METTL22: variants seen among roughly 807,000 people sequenced by gnomAD.
The protein encoded by METTL22 is methyltransferase 22, Kin17 lysine, also known as methyltransferase-like protein 22.
A neutral mutation model predicts 48.4 loss-of-function variants in METTL22; 51 were observed. That is an observed-to-expected ratio of 1.05 (90% CI 0.84 to 1.33). The LOEUF (loss-of-function observed/expected upper bound fraction) is 1.33. METTL22 is among the 40% of genes most tolerant of loss of function. METTL22 has a pLI of 0.00. For synonymous variants in METTL22, 255 were observed against 214.1 expected (o/e 1.19, Z -1.67); for missense variants, 678 against 526.9 (o/e 1.29, Z -2.81).
downstream of METTL22, among the ~76,000 whole-genome samples, chr16:8,652,659 TTAAAAC>T (rs747815359): frequency 3.8e-5 from 5 of 132,648 alleles, no homozygotes; most frequent in Non-Finnish European, 7.8e-5. Flanking sequence ...CTCATGTTAT[TTAAAAC>T]AAATAATTAT....
Position 8,642,178 on chromosome 16 carries a change from A to T in METTL22, c.878A>T (p.Asp293Val). ...WSQEEISDLY[D>V]HTTILFAAEV... Reference sequence around the variant, plus strand: ...CAAGAGGAAATTTCTGACTTGTACGATCACACCACCATCCTGTTTGCAGCC... The same window carrying T: ...CAAGAGGAAATTTCTGACTTGTACGTTCACACCACCATCCTGTTTGCAGCC... Residue 293 changes from aspartate to valine, a missense_variant, in exon 8 of 11, where the codon GAT (aspartate) becomes GTT (valine). Asp to Val is a radical substitution (Grantham distance 152). Transcript: ENST00000381920. 1 of 1,613,736 alleles carries T rather than the reference A, an allele frequency of 6.2e-7. No individual in the cohort carries two copies. The highest frequency in any genetic ancestry group is 8.5e-7 in the Non-Finnish European group (1 of 1,179,678).
chr16:8,637,852 C>A (rs2056469114), intron 5 of METTL22, among the ~76,000 whole-genome samples: 1 of 152,066 alleles, frequency 6.6e-6, no homozygotes, highest in African/African-American at 2.4e-5. Context: ...AAACTGCTGA[C>A]CCTGGCCAGG....
intron 7 of METTL22, chr16:8,641,402 G>A (rs1409680829): frequency 1.5e-6 from 1 of 647,462 alleles, no homozygotes; most frequent in African/African-American, 1.8e-5. Flanking sequence ...TTCTTCTCCA[G>A]GTGTTGTGGT....
chr16:8,621,817 G>A (rs1354998117), intron 1 of METTL22, 42 bp downstream of exon 1: 1 of 152,320 alleles, frequency 6.6e-6, no homozygotes, highest in East Asian at 1.9e-4. Flanking sequence ...TAGGGTGCAG[G>A]GAACCTCCTG....
chr16:8,659,116 AG>A, the METTL22 span, among the ~76,000 whole-genome samples: 1 of 152,258 alleles, frequency 6.6e-6, no homozygotes, highest in Non-Finnish European at 1.5e-5. Context: ...AGATAACTTG[AG>A]GTCAGGAGTT....
At chr16:8,660,398 C>T in the METTL22 span, among the ~76,000 whole-genome samples, 4 of 152,046 alleles carry the variant, frequency 2.6e-5, no homozygotes, top group Non-Finnish European at 2.9e-5. Context: ...AGGCTGGTCT[C>T]GAACTCCTGA....
intron 3 of METTL22, chr16:8,632,174 G>C (rs1210414615): frequency 6.6e-6 from 1 of 152,326 alleles, no homozygotes; most frequent in East Asian, 1.9e-4. Context: ...AATTCATTCT[G>C]GCTTTTTCCA....
chr16:8,632,638 A>G (rs1056522628), intron 3 of METTL22, among the ~76,000 whole-genome samples: 4 of 152,208 alleles, frequency 2.6e-5, no homozygotes, highest in African/African-American at 9.7e-5. Context: ...AATGGTTCTC[A>G]GATGTCTGCC....
At position 8,647,522 on chromosome 16, in the gene METTL22, G is replaced by A. The variant is rs1479094764; in HGVS notation, c.*1379G>A. On this transcript the variant is annotated 3_prime_UTR_variant, in exon 11 of 11. Transcript: ENST00000381920. ...CTGGAGACATTTTCGGTGGTCACAA[G>A]TAGGGGAGACGGGTGCCACCAGTAT... The A allele has an allele frequency of 2.6e-5, 4 of 152,228 alleles. No individual in the cohort carries two copies. Among genetic ancestry groups the A allele is most frequent in the African/African-American group, 9.6e-5 (4 of 41,452 alleles). The allele number at this position is 152,228 out of a possible 1,614,324, so 9.4% of individuals were successfully genotyped here.
intron 7 of METTL22, 150 bp downstream of exon 7, chr16:8,641,334 T>A (rs573495694): frequency 2.6e-5 from 20 of 766,000 alleles, no homozygotes; most frequent in South Asian, 2.5e-4. Flanking sequence ...CATTGGCCGA[T>A]GAGCACCAGC....
chr16:8,632,721 T>G (rs1008256457), intron 3 of METTL22, among the ~76,000 whole-genome samples: 2 of 152,216 alleles, frequency 1.3e-5, no homozygotes, highest in African/African-American at 4.8e-5. Flanking sequence ...ATGAGGCTAC[T>G]TCTGCATTTT....
At chr16:8,657,390 G>A in the METTL22 span, among the ~76,000 whole-genome samples, 4 of 152,176 alleles carry the variant, frequency 2.6e-5, no homozygotes, top group African/African-American at 7.2e-5. Flanking sequence ...ATGTAAGTGG[G>A]AAGCAGGAAT....
intron 6 of METTL22, 150 bp downstream of exon 6, chr16:8,639,312 C>T: frequency 1.4e-6 from 1 of 694,842 alleles, no homozygotes. Context: ...CTGGGCATCA[C>T]AGAGCTTCAG....
intron 3 of METTL22, among the ~76,000 whole-genome samples, chr16:8,630,763 G>T (rs1475764153): frequency 6.6e-6 from 1 of 152,190 alleles, no homozygotes; most frequent in Non-Finnish European, 1.5e-5. Context: ...AGGCCCCCTT[G>T]TCTGTATACC....
At chr16:8,657,824 C>CTTTTTTTTTTTTTTTTTTTTTTT in the METTL22 span, among the ~76,000 whole-genome samples, 6 of 137,428 alleles carry the variant, frequency 4.4e-5, no homozygotes, top group African/African-American at 1.4e-4. Flanking sequence ...TCTTTTCTTT[C>CTTTTTTTTTTTTTTTTTTTTTTT]TTTTTTTTTT....
At chr16:8,627,330 G>C (rs2056095664) in intron 2 of METTL22, among the ~76,000 whole-genome samples, 2 of 151,952 alleles carry the variant, frequency 1.3e-5, no homozygotes, top group African/African-American at 4.8e-5. Flanking sequence ...TTGCTCTTCT[G>C]TGGCCACTCT....
the METTL22 span, chr16:8,667,003 C>G: frequency 6.6e-6 from 1 of 151,782 alleles, no homozygotes; most frequent in African/African-American, 2.4e-5. Context: ...ACTATGTTAG[C>G]CAGGCTGGTC....
Position 8,646,343 on chromosome 16 carries a change from T to C in METTL22, c.*200T>C, listed in dbSNP as rs1415995534. ...GCCAGAGAAGGTTGTTGCTGTGGGC[T>C]GGAGGTCACTTTAGTTGCCTGTTTC... is the stretch of plus-strand genomic sequence containing the variant. On this transcript the variant is annotated 3_prime_UTR_variant, in exon 11 of 11. Transcript: ENST00000381920. The C allele has an allele frequency of 1.3e-6, 1 of 742,428 alleles. No individual in the cohort carries two copies. The highest frequency in any genetic ancestry group is 2.7e-5 in the East Asian group (1 of 37,252). The allele number at this position is 742,428 out of a possible 1,614,324, so 46.0% of individuals were successfully genotyped here.
At chr16:8,664,839 A>G in the METTL22 span, among the ~76,000 whole-genome samples, 1 of 149,860 alleles carries the variant, frequency 6.7e-6, no homozygotes, top group Non-Finnish European at 1.5e-5. Flanking sequence ...TCATGCAAAG[A>G]TCCTTATCCA....
Sources: allele counts gnomAD v4.1 joint callset (sites outside exome capture counted in the v4.1 genomes callset), GRCh38; gene constraint gnomAD v4.1.1; transcripts MANE v1.5; gene names NCBI Gene and HGNC (gene_info 2026-07-23, HGNC 2026-07-21).